Variants in TSPAN9 observed in about 807,000 individuals in gnomAD.
TSPAN9 encodes the protein tetraspanin-9.
TSPAN9 carries 16 observed loss-of-function variants against 31.0 expected under a neutral mutation model. The observed-to-expected ratio is 0.52, with a 90% CI of 0.35 to 0.78. TSPAN9 has a LOEUF of 0.78. Among genes scored for constraint, TSPAN9 ranks in the 30% least tolerant of loss-of-function variants. The pLI is 0.01. For missense variants in TSPAN9, 272 were observed against 312.5 expected (o/e 0.87, Z 0.98); for synonymous variants, 145 against 121.6 (o/e 1.19, Z -1.27).
chr12:3,218,321 A>G (rs2098382445), intron 3 of TSPAN9, among the ~76,000 whole-genome samples: 1 of 152,196 alleles, frequency 6.6e-6, no homozygotes, highest in Non-Finnish European at 1.5e-5. Flanking sequence ...GAGGTCAGGG[A>G]GGAAAGAGGA....
At chr12:3,199,273 G>T (rs546723090) in intron 2 of TSPAN9, among the ~76,000 whole-genome samples, 6 of 152,208 alleles carry the variant, frequency 3.9e-5, no homozygotes, top group Non-Finnish European at 8.8e-5. Context: ...TGGGGTTACA[G>T]AACCTGGTAA....
chr12:3,260,302 A>G (rs1172385035), intron 3 of TSPAN9, among the ~76,000 whole-genome samples: 2 of 152,248 alleles, frequency 1.3e-5, no homozygotes, highest in East Asian at 3.8e-4. Flanking sequence ...GCTCATTAGC[A>G]GTCCCTGTTG....
chr12:3,196,813 C>T (rs1274402006), intron 2 of TSPAN9, among the ~76,000 whole-genome samples: 1 of 152,158 alleles, frequency 6.6e-6, no homozygotes, highest in Non-Finnish European at 1.5e-5. Flanking sequence ...CCCCAAGGCC[C>T]TCAGACTTCT....
chr12:3,232,678 G>C (rs184152498), intron 3 of TSPAN9, among the ~76,000 whole-genome samples: 174 of 152,346 alleles, frequency 1.1e-3, no homozygotes, highest in South Asian at 7.9e-3. Flanking sequence ...GTTTAACAAG[G>C]TCCCCCAGTG....
At chr12:3,279,273 T>A (rs1391821406) in intron 5 of TSPAN9, among the ~76,000 whole-genome samples, 1 of 151,966 alleles carries the variant, frequency 6.6e-6, no homozygotes, top group Non-Finnish European at 1.5e-5. Flanking sequence ...GCAGGCAAAT[T>A]TGGAGGATGG....
intron 3 of TSPAN9, among the ~76,000 whole-genome samples, chr12:3,226,212 A>G (rs2098387060): frequency 6.6e-6 from 1 of 152,138 alleles, no homozygotes; most frequent in South Asian, 2.1e-4. Context: ...TTAGGAAGGC[A>G]GACATTTTTT....
intron 2 of TSPAN9, among the ~76,000 whole-genome samples, chr12:3,104,073 G>A (rs1460154017): frequency 1.3e-5 from 2 of 152,130 alleles, no homozygotes; most frequent in East Asian, 3.9e-4. Flanking sequence ...ACATCTTGGG[G>A]TGGTGCCTCC....
Position 3,247,304 on chromosome 12 carries a change from C to A in TSPAN9, c.64-31117C>A, listed in dbSNP as rs1174567099. 4.3e-5 allele frequency among the ~76,000 whole-genome samples: 2 copies of A among 46,608 alleles called. 1 individual carries two copies. Among genetic ancestry groups the A allele is most frequent in the East Asian group, 8.3e-4 (2 of 2,408 alleles). 30.6% of individuals were successfully genotyped at this position (46,608 alleles called of 152,430 possible). ...CTGATGAGCATTACTGGCCAGCCCC[C>A]CCCCCCCCGCCACCCGCGTCCCCAA... On this transcript the variant is annotated intron_variant, in intron 3 of 8. Coordinates refer to ENST00000011898, the MANE Select transcript of TSPAN9 (RefSeq NM_006675.5).
chr12:3,242,641 G>A (rs1238243879), intron 3 of TSPAN9, among the ~76,000 whole-genome samples: 1 of 152,228 alleles, frequency 6.6e-6, no homozygotes, highest in Non-Finnish European at 1.5e-5. Context: ...TGTGGAGGAT[G>A]TAATGGACAA....
At chr12:3,122,642 C>A (rs971388619) in intron 2 of TSPAN9, among the ~76,000 whole-genome samples, 11 of 152,002 alleles carry the variant, frequency 7.2e-5, no homozygotes, top group Non-Finnish European at 1.5e-4. Flanking sequence ...TGGCAAGAAC[C>A]CCTCTTAACA....
At chr12:3,167,652 C>CCCCAAATGTGGCT (rs2098349231) in intron 2 of TSPAN9, among the ~76,000 whole-genome samples, 1 of 152,148 alleles carries the variant, frequency 6.6e-6, no homozygotes, top group Non-Finnish European at 1.5e-5. Context: ...GCATGCACAG[C>CCCCAAATGTGGCT]CCTCACAAAT....
chr12:3,093,880 A>C (rs2098306348), intron 2 of TSPAN9, among the ~76,000 whole-genome samples: 1 of 152,124 alleles, frequency 6.6e-6, no homozygotes, highest in African/African-American at 2.4e-5. Flanking sequence ...ATTTATTTTT[A>C]AAGACAGGGT....
chr12:3,227,362 A>T (rs2098388401), intron 3 of TSPAN9, among the ~76,000 whole-genome samples: 1 of 152,154 alleles, frequency 6.6e-6, no homozygotes, highest in African/African-American at 2.4e-5. Context: ...TTTGGAGAGC[A>T]GCTTTAACCC....
chr12:3,163,273 A>G (rs1423821532), intron 2 of TSPAN9, among the ~76,000 whole-genome samples: 1 of 152,216 alleles, frequency 6.6e-6, no homozygotes, highest in African/African-American at 2.4e-5. Flanking sequence ...GCCAGCTTAA[A>G]TGTCTTGTCT....
At chr12:3,240,933 A>G (rs939524057) in intron 3 of TSPAN9, among the ~76,000 whole-genome samples, 1 of 152,254 alleles carries the variant, frequency 6.6e-6, no homozygotes, top group Non-Finnish European at 1.5e-5. Flanking sequence ...AATTATGCCA[A>G]CAATAGTATG....
At chr12:3,084,718 A>T (rs1008926331) in intron 2 of TSPAN9, among the ~76,000 whole-genome samples, 7 of 152,214 alleles carry the variant, frequency 4.6e-5, no homozygotes, top group Non-Finnish European at 8.8e-5. Flanking sequence ...TTTAACTTTC[A>T]CAAAGGCCCC....
At chr12:3,230,546 T>C (rs1175540464) in intron 3 of TSPAN9, among the ~76,000 whole-genome samples, 3 of 152,192 alleles carry the variant, frequency 2.0e-5, no homozygotes, top group Non-Finnish European at 4.4e-5. Context: ...GTAAGTCATT[T>C]GCTTCTGCAA....
At chr12:3,095,695 A>G (rs1282528069) in intron 2 of TSPAN9, among the ~76,000 whole-genome samples, 1 of 81,374 alleles carries the variant, frequency 1.2e-5, no homozygotes, top group Non-Finnish European at 2.7e-5. Context: ...CACTTCCCAG[A>G]TGGGGCGGCG....
At chr12:3,087,279 G>T (rs75804031) in intron 2 of TSPAN9, among the ~76,000 whole-genome samples, 8 of 152,132 alleles carry the variant, frequency 5.3e-5, no homozygotes, top group Non-Finnish European at 1.0e-4. Flanking sequence ...CAGCACTTTC[G>T]GAGGCCAAGG....
Sources: allele counts gnomAD v4.1 joint callset (sites outside exome capture counted in the v4.1 genomes callset), GRCh38; gene constraint gnomAD v4.1.1; transcripts MANE v1.5; gene names NCBI Gene and HGNC (gene_info 2026-07-23, HGNC 2026-07-21).